The following CAMKMT variants were observed in gnomAD, a reference collection of about 807,000 sequenced individuals.
CAMKMT encodes the protein CaM KMT.
CAMKMT carries 53 observed loss-of-function variants against 48.0 expected under a neutral mutation model. That is an observed-to-expected ratio of 1.10 (90% CI 0.89 to 1.39). The LOEUF is 1.39. Among genes scored for constraint, CAMKMT ranks in the 40% most tolerant of loss-of-function variants. The pLI, the probability that CAMKMT is intolerant of heterozygous loss-of-function variation, is 0.00. For synonymous variants in CAMKMT, 165 were observed against 152.3 expected (o/e 1.08, Z -0.61); for missense variants, 428 against 402.7 (o/e 1.06, Z -0.54).
chr2:44,394,866 A>T (rs1282523549), intron 3 of CAMKMT: 1 of 454,050 alleles, frequency 2.2e-6, no homozygotes, highest in Non-Finnish European at 4.4e-6. Flanking sequence ...AGCAAGACTC[A>T]TTAAAATAAA....
At chr2:44,395,689 A>G (rs1244149439) in intron 3 of CAMKMT, among the ~76,000 whole-genome samples, 3 of 152,188 alleles carry the variant, frequency 2.0e-5, no homozygotes, top group Admixed American at 6.5e-5. Context: ...TGAGGTGAAC[A>G]TAATATTAGA....
intron 3 of CAMKMT, among the ~76,000 whole-genome samples, chr2:44,421,024 CT>C (rs1683904089): frequency 6.6e-6 from 1 of 151,998 alleles, no homozygotes; most frequent in Admixed American, 6.5e-5. Context: ...TATATATTTC[CT>C]TTGAATATTT....
At chr2:44,541,717 G>C (rs979879850) in intron 3 of CAMKMT, among the ~76,000 whole-genome samples, 4 of 150,240 alleles carry the variant, frequency 2.7e-5, no homozygotes, top group African/African-American at 9.8e-5. Flanking sequence ...GCTGCAGTGA[G>C]CCATGAGTGT....
At chr2:44,598,232 A>G (rs1264964568) in intron 3 of CAMKMT, among the ~76,000 whole-genome samples, 1 of 152,086 alleles carries the variant, frequency 6.6e-6, no homozygotes, top group Non-Finnish European at 1.5e-5. Context: ...TTAGTTTAGT[A>G]AAAATAAGAA....
In CAMKMT at chr2:44,445,879, C is replaced by T. The variant is rs73924766; in HGVS notation, c.376+55574C>T. On this transcript the variant is annotated intron_variant, in intron 3 of 10. Coordinates refer to ENST00000378494, the MANE Select transcript of CAMKMT (RefSeq NM_024766.5). ...TCATGCAACCAAAGTCTTGAAGTCT[C>T]GGACAATGACCCCTTCTGCCAGGAA... Among the ~76,000 whole-genome samples the T allele has an allele frequency of 6.2e-4, 95 of 152,008 alleles. 1 individual carries two copies. Among genetic ancestry groups the T allele is most frequent in the African/African-American group, 2.3e-3 (94 of 41,456 alleles).
intron 3 of CAMKMT, chr2:44,631,632 T>C (rs1672838471): frequency 8.8e-6 from 4 of 454,058 alleles, no homozygotes; most frequent in Non-Finnish European, 1.5e-5. Flanking sequence ...AGTTGTATAG[T>C]TGGGTCTTGG....
chr2:44,568,356 G>C (rs1299118344), intron 3 of CAMKMT, among the ~76,000 whole-genome samples: 1 of 152,182 alleles, frequency 6.6e-6, no homozygotes, highest in Admixed American at 6.5e-5. Flanking sequence ...TAGGAGAGAA[G>C]CAAGATGTTT....
At position 44,749,587 on chromosome 2, in the gene CAMKMT, A is replaced by G. The variant is rs1261659614; in HGVS notation, c.699-4468A>G. Among the ~76,000 whole-genome samples, 5 of 152,358 alleles carry G rather than the reference A, an allele frequency of 3.3e-5. No homozygotes were observed. In the East Asian group the frequency reaches 9.6e-4, roughly 29 times the overall value. On this transcript the variant is annotated intron_variant, in intron 8 of 10. Transcript: ENST00000378494. ...GCCCTTAGTATATAGTAGATGCTCA[A>G]CAAACCTTTATCAACTAACATATCT... is the stretch of plus-strand genomic sequence containing the variant.
chr2:44,593,032 TATA>T (rs1411875397), intron 3 of CAMKMT, among the ~76,000 whole-genome samples: 1 of 152,252 alleles, frequency 6.6e-6, no homozygotes, highest in Non-Finnish European at 1.5e-5. Context: ...GATAAGTATT[TATA>T]ATAAATATTC....
intron 3 of CAMKMT, among the ~76,000 whole-genome samples, chr2:44,567,149 T>C (rs185871073): frequency 5.9e-5 from 9 of 152,306 alleles, no homozygotes; most frequent in Non-Finnish European, 1.3e-4. Flanking sequence ...ATGGAATTAC[T>C]GGCATGATGC....
chr2:44,653,153 A>T lies in CAMKMT; in HGVS notation c.377-51130A>T, dbSNP rs1337378518. On this transcript the variant is annotated intron_variant, in intron 3 of 10. Coordinates refer to ENST00000378494, the MANE Select transcript of CAMKMT (RefSeq NM_024766.5). The surrounding 1 kb of genome is among the most constrained non-coding windows in gnomAD (Gnocchi z 5.2). ...TTGTGCTTGTTGATCCTGGCTTCAT[A>T]AGAGTCTTTTTTTATTATTTCTCAC... Among the ~76,000 whole-genome samples the T allele has an allele frequency of 6.6e-6, 1 of 152,022 alleles. No homozygotes were observed. The highest frequency in any genetic ancestry group is 2.4e-5 in the African/African-American group (1 of 41,390).
intron 3 of CAMKMT, among the ~76,000 whole-genome samples, chr2:44,498,119 A>G (rs1294956069): frequency 6.6e-6 from 1 of 152,150 alleles, no homozygotes; most frequent in African/African-American, 2.4e-5. Flanking sequence ...GAGTTCAAGT[A>G]TGTGTCTATT....
intron 2 of CAMKMT, among the ~76,000 whole-genome samples, chr2:44,384,346 G>A (rs112739704): frequency 6.6e-5 from 10 of 151,872 alleles, no homozygotes; most frequent in South Asian, 4.2e-4. Context: ...TTACTGATTC[G>A]TTTGAGTTCG....
At chr2:44,593,147 A>T (rs887478066) in intron 3 of CAMKMT, among the ~76,000 whole-genome samples, 2 of 152,180 alleles carry the variant, frequency 1.3e-5, no homozygotes, top group Non-Finnish European at 1.5e-5. Flanking sequence ...ATATTTATGT[A>T]GGGCAAATTT....
At chr2:44,569,187 A>G (rs1415898263) in intron 3 of CAMKMT, among the ~76,000 whole-genome samples, 1 of 152,234 alleles carries the variant, frequency 6.6e-6, no homozygotes, top group Non-Finnish European at 1.5e-5. Context: ...AAAACTATTA[A>G]TAACTGGTGA....
intron 3 of CAMKMT, among the ~76,000 whole-genome samples, chr2:44,581,059 C>T (rs554666825): frequency 6.6e-6 from 1 of 152,168 alleles, no homozygotes; most frequent in East Asian, 1.9e-4. Flanking sequence ...TAAATGCCAT[C>T]CTGCTTGCTG....
chr2:44,609,879 T>A (rs1279694197), intron 3 of CAMKMT, among the ~76,000 whole-genome samples: 1 of 152,164 alleles, frequency 6.6e-6, no homozygotes, highest in East Asian at 1.9e-4. Flanking sequence ...TTACAAAACA[T>A]CTTTCAGATG....
chr2:44,560,813 G>A (rs944375326), intron 3 of CAMKMT, among the ~76,000 whole-genome samples: 3 of 152,254 alleles, frequency 2.0e-5, no homozygotes, highest in African/African-American at 7.2e-5. Context: ...TATTGATTTT[G>A]CACACTTGCC....
intron 3 of CAMKMT, among the ~76,000 whole-genome samples, chr2:44,502,893 G>A (rs1424708032): frequency 6.6e-6 from 1 of 152,022 alleles, no homozygotes; most frequent in Non-Finnish European, 1.5e-5. Flanking sequence ...TATGTAATTT[G>A]GGGGTATAGA....
Sources: allele counts gnomAD v4.1 joint callset (sites outside exome capture counted in the v4.1 genomes callset), GRCh38; gene constraint gnomAD v4.1.1; non-coding constraint Gnocchi (gnomAD v3.1); transcripts MANE v1.5; gene names NCBI Gene and HGNC (gene_info 2026-07-23, HGNC 2026-07-21).